The following MAK variants were observed in gnomAD, a reference collection of about 807,000 sequenced individuals.
The protein encoded by MAK is male germ cell associated kinase.
MAK carries 65 observed loss-of-function variants against 82.6 expected under a neutral mutation model. The ratio of observed to expected loss-of-function variants is 0.79; its 90% CI spans 0.64 to 0.97. The LOEUF (loss-of-function observed/expected upper bound fraction) is 0.97, where lower values mean the gene tolerates loss of function less well. Among genes scored for constraint, MAK ranks in the 50% least tolerant of loss-of-function variants. MAK has a pLI of 0.00. For missense variants in MAK, 703 were observed against 780.2 expected, an observed-to-expected ratio of 0.90 and a Z score of 1.18; for synonymous variants, 250 against 274.2, an observed-to-expected ratio of 0.91 and a Z score of 0.87.
Position 10,830,603 on chromosome 6 carries a change from C to T in MAK, c.46G>A (p.Gly16Arg), listed in dbSNP as rs751370670. Reference sequence around the variant, plus strand: ...TTACTCTTGCCCATAAGCACACTCCCATACGTGCCGTCCCCCAACTGTCTC... The same window carrying T: ...TTACTCTTGCCCATAAGCACACTCCTATACGTGCCGTCCCCCAACTGTCTC... Reference protein sequence around the residue: ...TMRQLGDGTYGSVLMGKSNES... With the variant: ...TMRQLGDGTYRSVLMGKSNES... The change falls in exon 2 of 15, where the codon GGG (glycine) becomes AGG (arginine). Residue 16 changes from glycine to arginine, a missense_variant. Transcript: ENST00000354489. The T allele has an allele frequency of 6.8e-6, 11 of 1,614,186 alleles. No individual in the cohort carries two copies. The highest frequency in any genetic ancestry group is 9.3e-6 in the Non-Finnish European group (11 of 1,180,010).
At chr6:10,830,028 G>C (rs944681015) in intron 2 of MAK, among the ~76,000 whole-genome samples, 1 of 150,660 alleles carries the variant, frequency 6.6e-6, no homozygotes, top group Non-Finnish European at 1.5e-5. Context: ...GTAGAGACAG[G>C]GTTTCACCAT....
chr6:10,822,989 AGTGT>A (rs1778079198), intron 2 of MAK, among the ~76,000 whole-genome samples: 1 of 152,236 alleles, frequency 6.6e-6, no homozygotes, highest in African/African-American at 2.4e-5. Flanking sequence ...TATTTTGTTC[AGTGT>A]AGTGTTCTCC....
At chr6:10,794,436 A>C (rs1364731446) in intron 9 of MAK, among the ~76,000 whole-genome samples, 1 of 152,216 alleles carries the variant, frequency 6.6e-6, no homozygotes, top group Non-Finnish European at 1.5e-5. Context: ...AAACATAAGA[A>C]GTAATTAACA....
At chr6:10,810,346 T>C (rs1224522635) in intron 5 of MAK, among the ~76,000 whole-genome samples, 17 of 79,090 alleles carry the variant, frequency 2.1e-4, no homozygotes, top group Admixed American at 7.7e-4. Flanking sequence ...TATCTTTTTC[T>C]TTTTTTTTTT....
chr6:10,810,414 A>C (rs1776841597), intron 5 of MAK, among the ~76,000 whole-genome samples: 1 of 139,156 alleles, frequency 7.2e-6, no homozygotes, highest in South Asian at 2.2e-4. Context: ...ATCTGGGCTC[A>C]TTGCAACCTC....
At chr6:10,811,932 G>A (rs1303707731) in intron 5 of MAK, among the ~76,000 whole-genome samples, 1 of 152,192 alleles carries the variant, frequency 6.6e-6, no homozygotes, top group African/African-American at 2.4e-5. Flanking sequence ...GGGTGTGATG[G>A]CTCCTGCCTG....
intron 1 of MAK, among the ~76,000 whole-genome samples, chr6:10,832,394 T>C (rs908486468): frequency 2.0e-5 from 3 of 152,270 alleles, no homozygotes; most frequent in African/African-American, 7.2e-5. Context: ...CAGTCTCACA[T>C]ATTACAGAGA....
At chr6:10,788,985 G>A (rs1006951001) in intron 10 of MAK, among the ~76,000 whole-genome samples, 1 of 151,858 alleles carries the variant, frequency 6.6e-6, no homozygotes, top group South Asian at 2.1e-4. Context: ...TTCATGGTAT[G>A]GCTTGATAAA....
intron 1 of MAK, among the ~76,000 whole-genome samples, chr6:10,836,678 G>A (rs150897040): frequency 6.6e-6 from 1 of 151,956 alleles, no homozygotes; most frequent in Non-Finnish European, 1.5e-5. Flanking sequence ...CTACAAAATA[G>A]GAATATATTA....
intron 1 of MAK, chr6:10,837,919 G>C (rs145516387): frequency 3.9e-5 from 6 of 152,230 alleles, no homozygotes; most frequent in South Asian, 2.1e-4. Flanking sequence ...GCGCCGTTGG[G>C]GGGGACGGGG....
At position 10,832,240 on chromosome 6, in the gene MAK, G is replaced by A. The variant is rs555406596; in HGVS notation, c.-229-1363C>T. Among the ~76,000 whole-genome samples, 20 of 152,316 alleles carry A rather than the reference G, an allele frequency of 1.3e-4. No homozygotes were observed. In the East Asian group the frequency reaches 2.5e-3, roughly 19 times the overall value. On this transcript the variant is annotated intron_variant, in intron 1 of 14. Coordinates refer to ENST00000354489, the MANE Select transcript of MAK (RefSeq NM_001242957.3). Reference sequence around the variant, plus strand: ...GCCTCAGCGATCCGCCCGCCTCGGCGGGATTACAGGCATGAACCAGTGCCC... The same window carrying A: ...GCCTCAGCGATCCGCCCGCCTCGGCAGGATTACAGGCATGAACCAGTGCCC...
intron 13 of MAK, among the ~76,000 whole-genome samples, chr6:10,772,044 G>A (rs1326607009): frequency 3.3e-5 from 5 of 152,178 alleles, no homozygotes; most frequent in African/African-American, 7.2e-5. Context: ...TTTTATGGAC[G>A]GGAAAGCTGG....
intron 5 of MAK, among the ~76,000 whole-genome samples, chr6:10,813,323 AT>A (rs111420579): frequency 0.17 from 23,006 of 136,016 alleles, 1,801 homozygotes; most frequent in Middle Eastern, 0.22. Flanking sequence ...TAATTTTTGT[AT>A]TTTTTTTTAA....
chr6:10,797,519 C>T lies in MAK; in HGVS notation c.832-1210G>A, dbSNP rs1775661921. On this transcript the variant is annotated intron_variant, in intron 8 of 14. Transcript: ENST00000354489. ...CCACAGCAAAGAGTTATCTGGTTCACAACGTCAGTAAGGCTAAAACCGAAA... is the reference window on the plus strand; with the variant it reads ...CCACAGCAAAGAGTTATCTGGTTCATAACGTCAGTAAGGCTAAAACCGAAA... 4.6e-6 allele frequency: 4 copies of T among 863,076 alleles called. No homozygotes were observed. The South Asian group carries it at 1.6e-4, about 34-fold the overall frequency. The allele number at this position is 863,076 out of a possible 1,614,324, so 53.5% of individuals were successfully genotyped here. A position where few individuals can be genotyped will look rare whatever the true frequency, so the allele number is the denominator to read the frequency against.
chr6:10,810,831 G>A (rs1306699537), intron 5 of MAK, among the ~76,000 whole-genome samples: 1 of 152,136 alleles, frequency 6.6e-6, no homozygotes, highest in Non-Finnish European at 1.5e-5. Context: ...CGACAGGAAT[G>A]GGACCATGTG....
At chr6:10,782,258 A>ACACACACACC (rs1774069488) in intron 11 of MAK, among the ~76,000 whole-genome samples, 1 of 151,098 alleles carries the variant, frequency 6.6e-6, no homozygotes, top group African/African-American at 2.4e-5. Flanking sequence ...ACAGACACAC[A>ACACACACACC]CCAAAACTAT....
intron 2 of MAK, among the ~76,000 whole-genome samples, chr6:10,822,816 G>C (rs779384989): frequency 6.6e-6 from 1 of 152,104 alleles, no homozygotes; most frequent in Non-Finnish European, 1.5e-5. Context: ...TTCTTAAAGG[G>C]CAGAGGGCTT....
Position 10,815,912 on chromosome 6 carries a change from G to GTGTATGTA in MAK, c.278+1937_278+1938insTACATACA, listed in dbSNP as rs1554184483. 1.1e-4 allele frequency among the ~76,000 whole-genome samples: 12 copies of GTGTATGTA among 108,344 alleles called. 1 individual carries two copies. Among genetic ancestry groups the GTGTATGTA allele is most frequent in the African/African-American group, 5.5e-4 (12 of 21,844 alleles). The allele number at this position is 108,344 out of a possible 152,430, so 71.1% of individuals were successfully genotyped here. A position where few individuals can be genotyped will look rare whatever the true frequency, so the allele number is the denominator to read the frequency against. ...TACTGTATTAGTGTAGCTTTATACA[G>GTGTATGTA]TATATATATATATATATATATATAT... On this transcript the variant is annotated intron_variant, in intron 4 of 14. Coordinates refer to ENST00000354489, the MANE Select transcript of MAK (RefSeq NM_001242957.3).
chr6:10,819,545 T>TGG, intron 2 of MAK, among the ~76,000 whole-genome samples: 1 of 151,368 alleles, frequency 6.6e-6, no homozygotes, highest in South Asian at 2.1e-4. Context: ...GGCAGGAGAA[T>TGG]CACTTGAACC....
Sources: gnomAD v4.1 joint callset for allele counts (sites outside exome capture counted in the v4.1 genomes callset) on GRCh38, gnomAD v4.1.1 for gene constraint, MANE v1.5 for transcripts, NCBI Gene and HGNC (gene_info 2026-07-23, HGNC 2026-07-21) for gene names.